The following MFSD12 variants were observed in gnomAD, a reference collection of about 807,000 sequenced individuals.
MFSD12 encodes major facilitator superfamily domain-containing protein 12.
In MFSD12, 67 loss-of-function variants were observed where a neutral mutation model predicts 51.2. The ratio of observed to expected loss-of-function variants is 1.31; its 90% CI spans 1.08 to 1.60. MFSD12 has a LOEUF of 1.60. Among genes scored for constraint, MFSD12 ranks in the 40% most tolerant of loss-of-function variants. MFSD12 has a pLI of 0.00. For missense variants in MFSD12, 921 were observed against 673.0 expected, an observed-to-expected ratio of 1.37 and a Z score of -4.08; for synonymous variants, 441 against 316.7, an observed-to-expected ratio of 1.39 and a Z score of -4.17.
chr19:3,545,391 T>C (rs138432732), intron 8 of MFSD12, among the ~76,000 whole-genome samples: 1 of 152,108 alleles, frequency 6.6e-6, no homozygotes, highest in African/African-American at 2.4e-5. Flanking sequence ...CTGCACGACC[T>C]GCCCTCCCCT....
intron 8 of MFSD12, 95 bp downstream of exon 8, chr19:3,545,979 T>A (rs911249162): frequency 4.5e-6 from 6 of 1,335,778 alleles, no homozygotes; most frequent in Middle Eastern, 1.9e-4. Context: ...GGTCCACAGC[T>A]GGATGCCCAG....
chr19:3,542,830 G>A, downstream of MFSD12: 1 of 1,375,616 alleles, frequency 7.3e-7, no homozygotes, highest in South Asian at 1.1e-5. Flanking sequence ...GCCAGCCCCA[G>A]ACCACTTCTT....
chr19:3,547,728 G>A, intron 4 of MFSD12, 120 bp downstream of exon 4: 1 of 1,274,962 alleles, frequency 7.8e-7, no homozygotes, highest in Non-Finnish European at 1.1e-6. Context: ...CGTTTGCCCT[G>A]GGTGTGGGCT....
chr19:3,545,434 C>T lies in MFSD12; in HGVS notation c.1290-495G>A, dbSNP rs1020315911. Reference sequence around the variant, plus strand: ...CTACTCCAGCCACACAGGCCTCCTCCCTGTTCTTCCAACACAACATGCCAG... The same window carrying T: ...CTACTCCAGCCACACAGGCCTCCTCTCTGTTCTTCCAACACAACATGCCAG... On this transcript the variant is annotated intron_variant, in intron 8 of 9. Coordinates refer to ENST00000355415, the MANE Select transcript of MFSD12 (RefSeq NM_174983.5). Among the ~76,000 whole-genome samples, 7 of 152,306 alleles carry T rather than the reference C, an allele frequency of 4.6e-5. No individual in the cohort carries two copies. In the East Asian group the frequency reaches 9.6e-4, roughly 21 times the overall value.
rs535545944 is a variant in MFSD12 at position 3,551,541 on chromosome 19, C to T, written c.299-347G>A. On this transcript the variant is annotated intron_variant, in intron 1 of 9. Transcript: ENST00000355415. This position sits in a 1 kb window ranked among gnomAD's most constrained non-coding sequence, Gnocchi z 4.6. Reference sequence around the variant, plus strand: ...CACTATCAAGCCTCCCATAGGGCCTCGGGGAGCGGGAGGCCCAGGTGGGCC... The same window carrying T: ...CACTATCAAGCCTCCCATAGGGCCTTGGGGAGCGGGAGGCCCAGGTGGGCC... 3.9e-5 allele frequency among the ~76,000 whole-genome samples: 6 copies of T among 152,206 alleles called. No individual in the cohort carries two copies. Among genetic ancestry groups the T allele is most frequent in the South Asian group, 2.1e-4 (1 of 4,828 alleles).
Position 3,557,294 on chromosome 19 carries a change from G to A in MFSD12, c.110C>T (p.Ser37Phe), listed in dbSNP as rs763302033. 3.8e-6 allele frequency: 6 copies of A among 1,595,262 alleles called. No individual in the cohort carries two copies. In the African/African-American group the frequency reaches 5.5e-5, roughly 15 times the overall value. Reference sequence around the variant, plus strand: ...GAGCAGCAGGTAGGTGAACCACATGGACGCGCACAGGTCGTTGAGGAAGTG... The same window carrying A: ...GAGCAGCAGGTAGGTGAACCACATGAACGCGCACAGGTCGTTGAGGAAGTG... ...VGHFLNDLCASMWFTYLLLYL... is the reference protein window; with the variant it reads ...VGHFLNDLCAFMWFTYLLLYL... Residue 37 changes from serine (S) to phenylalanine (F), a missense_variant, in exon 1 of 10, where the codon TCC becomes TTC. By Grantham distance (155) the Ser-to-Phe change is radical. Coordinates refer to ENST00000355415, the MANE Select transcript of MFSD12 (RefSeq NM_174983.5).
At chr19:3,556,968 G>A in intron 1 of MFSD12, 138 bp downstream of exon 1, 2 of 847,734 alleles carry the variant, frequency 2.4e-6, no homozygotes, top group South Asian at 2.0e-5. Flanking sequence ...GGAAGCTCGG[G>A]CCACGGGACA....
At chr19:3,554,121 AAGAG>A (rs2031619389) in intron 1 of MFSD12, among the ~76,000 whole-genome samples, 1 of 151,830 alleles carries the variant, frequency 6.6e-6, no homozygotes, top group Non-Finnish European at 1.5e-5. Context: ...TTAAAAAAAG[AAGAG>A]AAAGAAGGGT....
At chr19:3,549,477 A>G (rs957359166) in intron 2 of MFSD12, among the ~76,000 whole-genome samples, 16 of 152,312 alleles carry the variant, frequency 1.1e-4, no homozygotes, top group African/African-American at 2.9e-4. Context: ...TAATCTCAGC[A>G]CTTTGGGAGG....
chr19:3,548,236 CGGT>C lies in MFSD12; in HGVS notation c.538_540del (p.Thr180del). 6.4e-7 allele frequency: 1 copy of C among 1,551,626 alleles called. No homozygotes were observed. Among genetic ancestry groups the C allele is most frequent in the Non-Finnish European group, 8.7e-7 (1 of 1,148,562 alleles). ...AGCAGGAGCCAGGCGGCGCCGTAGACGGTGATGTTGGCCACCACGGTGAACGCA... is the reference window on the plus strand; with the variant it reads ...AGCAGGAGCCAGGCGGCGCCGTAGACGATGTTGGCCACCACGGTGAACGCA... On this transcript the variant is annotated inframe_deletion, in exon 3 of 10. Transcript: ENST00000355415.
intron 2 of MFSD12, among the ~76,000 whole-genome samples, chr19:3,548,688 C>G (rs926928467): frequency 6.6e-6 from 1 of 152,066 alleles, no homozygotes; most frequent in African/African-American, 2.4e-5. Flanking sequence ...CAGAGTCCCC[C>G]GGGGGGCCTC....
chr19:3,550,945 G>A (rs576825346), intron 2 of MFSD12, 39 bp downstream of exon 2: 3 of 1,579,640 alleles, frequency 1.9e-6, no homozygotes, highest in African/African-American at 2.7e-5. Flanking sequence ...CCGAGCCGGG[G>A]CCCACCCTGC....
At chr19:3,543,393 G>A (rs529077733), downstream of MFSD12, 223 of 1,548,956 alleles carry the variant, frequency 1.4e-4, no homozygotes, top group Non-Finnish European at 1.7e-4. Context: ...AACCTGCCAC[G>A]GGCCCCGGCC....
downstream of MFSD12, chr19:3,543,536 A>T: frequency 8.2e-7 from 1 of 1,220,094 alleles, no homozygotes; most frequent in Non-Finnish European, 1.1e-6. Context: ...AATGACCGCC[A>T]GCCCCCGCCC....
At chr19:3,547,616 C>T (rs1676989627) in intron 4 of MFSD12, 69 bp from the exon 5 acceptor site, 2 of 1,425,446 alleles carry the variant, frequency 1.4e-6, no homozygotes, top group Non-Finnish European at 1.9e-6. Context: ...CAGCAGGGGG[C>T]ACCGGGGCCA....
At chr19:3,547,596 C>A in intron 4 of MFSD12, 49 bp from the exon 5 acceptor site, 1 of 1,514,894 alleles carries the variant, frequency 6.6e-7, no homozygotes, top group East Asian at 2.4e-5. Flanking sequence ...AGGGCCTTCT[C>A]CACTCCCACC....
chr19:3,552,589 C>G (rs1389470921), intron 1 of MFSD12, among the ~76,000 whole-genome samples: 1 of 151,236 alleles, frequency 6.6e-6, no homozygotes, highest in Non-Finnish European at 1.5e-5. Flanking sequence ...ATTCTCCCAC[C>G]TCAGCCTCCC....
downstream of MFSD12, chr19:3,544,133 G>C (rs2030725245): frequency 1.4e-6 from 2 of 1,417,192 alleles, no homozygotes; most frequent in Non-Finnish European, 1.9e-6. Flanking sequence ...CCCACAACCA[G>C]GGCAGGGCTG....
At chr19:3,541,006 T>C (rs1302663958), downstream of MFSD12, among the ~76,000 whole-genome samples, 1 of 147,330 alleles carries the variant, frequency 6.8e-6, no homozygotes, top group African/African-American at 2.5e-5. Flanking sequence ...CCATCTGTAC[T>C]AAAAGTACAA....
Sources: allele counts gnomAD v4.1 joint callset (sites outside exome capture counted in the v4.1 genomes callset), GRCh38; gene constraint gnomAD v4.1.1; non-coding constraint Gnocchi (gnomAD v3.1); transcripts MANE v1.5; gene names NCBI Gene and HGNC (gene_info 2026-07-23, HGNC 2026-07-21).